PTPRG: variants seen among roughly 807,000 people sequenced by gnomAD.
The protein encoded by PTPRG is receptor-type tyrosine-protein phosphatase gamma.
PTPRG carries 102 observed loss-of-function variants against 165.3 expected under a neutral mutation model. That is an observed-to-expected ratio of 0.62 (90% CI 0.53 to 0.73). The LOEUF is 0.73. PTPRG is among the 30% of genes least tolerant of loss of function. The pLI, the probability that PTPRG is intolerant of heterozygous loss-of-function variation, is 0.00. For synonymous variants in PTPRG, 675 were observed against 669.5 expected, an observed-to-expected ratio of 1.01 and a Z score of -0.13; for missense variants, 1,866 against 1,861.4, an observed-to-expected ratio of 1.00 and a Z score of -0.05.
Position 62,203,358 on chromosome 3 carries a change from C to G in PTPRG, c.1563C>G (p.Phe521Leu), listed in dbSNP as rs1428795599. The change falls in exon 12 of 30, where the codon TTC becomes TTG. Residue 521 changes from phenylalanine (F) to leucine (L), a missense_variant. This residue lies in a region of PTPRG where 1,452 missense variants were observed against 1,463.0 expected (regional missense o/e 0.99). Transcript: ENST00000474889. The surrounding 1 kb of genome is among the most constrained non-coding windows in gnomAD (Gnocchi z 6.4). ...GCACGCTGCTCGCCGGCCTGGGGTT[C>G]GGCGGTGGTGGCATCTCCTCTTTCC... is the stretch of plus-strand genomic sequence containing the variant. ...VTSTLLAGLG[F>L]GGGGISSFPS... The G allele has an allele frequency of 2.5e-6, 4 of 1,613,150 alleles. No individual in the cohort carries two copies. The highest frequency in any genetic ancestry group is 3.4e-6 in the Non-Finnish European group (4 of 1,179,606).
At chr3:61,863,244 T>A (rs1290431633) in intron 2 of PTPRG, among the ~76,000 whole-genome samples, 1 of 152,202 alleles carries the variant, frequency 6.6e-6, no homozygotes, top group African/African-American at 2.4e-5. Flanking sequence ...TGAAATCTCC[T>A]TTCTTCACTC....
chr3:61,756,948 T>C (rs560040915), intron 2 of PTPRG, among the ~76,000 whole-genome samples: 2 of 152,220 alleles, frequency 1.3e-5, no homozygotes, highest in Non-Finnish European at 2.9e-5. Context: ...TGTTAAATAC[T>C]GCTCATCTTT....
intron 2 of PTPRG, among the ~76,000 whole-genome samples, chr3:61,894,538 A>C (rs187898428): frequency 3.5e-4 from 53 of 152,120 alleles, no homozygotes; most frequent in South Asian, 4.2e-4. Context: ...TCTCTTATTT[A>C]TTTTCATTTT....
intron 8 of PTPRG, among the ~76,000 whole-genome samples, chr3:62,179,731 C>T (rs1254263052): frequency 6.6e-6 from 1 of 152,238 alleles, no homozygotes; most frequent in Admixed American, 6.5e-5. Context: ...TGACAGTCTC[C>T]CTGTTTCCTT....
chr3:61,988,096 G>A (rs745359348), intron 2 of PTPRG, among the ~76,000 whole-genome samples: 8 of 152,120 alleles, frequency 5.3e-5, no homozygotes, highest in Non-Finnish European at 1.0e-4. Context: ...ACTTAAAAGT[G>A]CCCCAAGGTT....
chr3:62,001,217 T>C (rs911212932), intron 3 of PTPRG, among the ~76,000 whole-genome samples: 2 of 152,230 alleles, frequency 1.3e-5, no homozygotes, highest in Non-Finnish European at 2.9e-5. Context: ...TGGGTGGACA[T>C]GTAACATGCT....
intron 4 of PTPRG, among the ~76,000 whole-genome samples, chr3:62,040,078 G>A (rs140902075): frequency 6.6e-5 from 10 of 152,290 alleles, no homozygotes; most frequent in Non-Finnish European, 1.2e-4. Flanking sequence ...TATTTAAAAT[G>A]TTGCTTTTAT....
chr3:62,156,939 T>G, intron 6 of PTPRG, 128 bp from the exon 7 acceptor site: 1 of 846,678 alleles, frequency 1.2e-6, no homozygotes, highest in East Asian at 2.5e-5. Flanking sequence ...ATGCTAGTGC[T>G]TCTCAGGATA....
intron 2 of PTPRG, among the ~76,000 whole-genome samples, chr3:61,972,792 G>A (rs1428662384): frequency 2.0e-5 from 3 of 150,850 alleles, no homozygotes; most frequent in Middle Eastern, 3.4e-3. Context: ...AGCTGGGACC[G>A]CTGGCGTGTG....
At chr3:62,265,743 T>TC (rs1701842482) in intron 17 of PTPRG, among the ~76,000 whole-genome samples, 1 of 152,042 alleles carries the variant, frequency 6.6e-6, no homozygotes, top group Non-Finnish European at 1.5e-5. Flanking sequence ...GGCTCACCAC[T>TC]GCTGTGACTA....
chr3:62,113,390 A>G (rs1304252691), intron 5 of PTPRG, among the ~76,000 whole-genome samples: 1 of 152,204 alleles, frequency 6.6e-6, no homozygotes, highest in Non-Finnish European at 1.5e-5. Flanking sequence ...CTTTGCTGAA[A>G]TGCTTACTGT....
chr3:61,966,788 A>G (rs1329999280), intron 2 of PTPRG, among the ~76,000 whole-genome samples: 5 of 152,202 alleles, frequency 3.3e-5, no homozygotes, highest in Non-Finnish European at 5.9e-5. Context: ...GTAGAAGCGG[A>G]TCTAGTTGGA....
In PTPRG at chr3:62,240,059, T is replaced by C. The variant is rs1455774247; in HGVS notation, c.2376-3748T>C. On this transcript the variant is annotated intron_variant, in intron 14 of 29. Coordinates refer to ENST00000474889, the MANE Select transcript of PTPRG (RefSeq NM_002841.4). The surrounding 1 kb of genome is among the most constrained non-coding windows in gnomAD (Gnocchi z 5.1). ...CCCCAATAGATAGTTATTAAAGGAATAAATTAAATACCAGCATTGTAATGC... is the reference window on the plus strand; with the variant it reads ...CCCCAATAGATAGTTATTAAAGGAACAAATTAAATACCAGCATTGTAATGC... 6.6e-6 allele frequency among the ~76,000 whole-genome samples: 1 copy of C among 152,158 alleles called. No homozygotes were observed. The highest frequency in any genetic ancestry group is 1.9e-4 in the East Asian group (1 of 5,188).
chr3:62,281,538 C>CTATTTTTATTTTTTTTTTTTTTTTTTTTT, intron 26 of PTPRG, 25 bp from the exon 27 acceptor site: 1 of 620,526 alleles, frequency 1.6e-6, no homozygotes, highest in Non-Finnish European at 2.1e-6. Context: ...ACTGCAGAGG[C>CTATTTTTATTTTTTTTTTTTTTTTTTTTT]TTTTTTTTTT....
At chr3:61,667,588 G>T (rs926688729) in intron 1 of PTPRG, among the ~76,000 whole-genome samples, 1 of 151,948 alleles carries the variant, frequency 6.6e-6, no homozygotes, top group Non-Finnish European at 1.5e-5. Flanking sequence ...ACTCATGCTC[G>T]GCATTTTGTA....
At position 62,262,903 on chromosome 3, in the gene PTPRG, T is replaced by C; in HGVS notation, c.2656+9T>C. On this transcript the variant is annotated intron_variant, in intron 17 of 29. Transcript: ENST00000474889. ...CATCAACATTTTAGCATGTGAGTAA[T>C]AAGCTTTAAACTACCTTCAACTGCG... 1 of 1,597,498 alleles carries C rather than the reference T, an allele frequency of 6.3e-7. No individual in the cohort carries two copies.
At chr3:61,980,371 A>G (rs2040612080) in intron 2 of PTPRG, among the ~76,000 whole-genome samples, 1 of 152,174 alleles carries the variant, frequency 6.6e-6, no homozygotes, top group South Asian at 2.1e-4. Context: ...TGCTGTGTTA[A>G]CAGTAAAAAT....
intron 2 of PTPRG, among the ~76,000 whole-genome samples, chr3:61,846,159 T>C (rs2036800273): frequency 2.0e-5 from 3 of 152,380 alleles, no homozygotes; most frequent in South Asian, 2.1e-4. Context: ...TAATCTCTGA[T>C]AAATGCTCGA....
intron 1 of PTPRG, chr3:61,742,729 C>A: frequency 6.2e-7 from 1 of 1,609,944 alleles, no homozygotes. Context: ...CTTATTTAGA[C>A]CTGGGCCGAG....
Sources: allele counts gnomAD v4.1 joint callset (sites outside exome capture counted in the v4.1 genomes callset), GRCh38; gene constraint gnomAD v4.1.1; regional missense constraint gnomAD v4.1.1; non-coding constraint Gnocchi (gnomAD v3.1); transcripts MANE v1.5; gene names NCBI Gene and HGNC (gene_info 2026-07-23, HGNC 2026-07-21).